SOX5: variants seen among roughly 807,000 people sequenced by gnomAD.
SOX5 encodes the protein transcription factor SOX-5.
In SOX5, 9 loss-of-function variants were observed where a neutral mutation model predicts 92.0. The ratio of observed to expected loss-of-function variants is 0.10; its 90% CI spans 0.06 to 0.17. The LOEUF (loss-of-function observed/expected upper bound fraction) is 0.17. SOX5 is among the 10% of genes least tolerant of loss of function. SOX5 has a pLI of 1.00. For missense variants in SOX5, 642 were observed against 944.5 expected, an observed-to-expected ratio of 0.68 and a Z score of 4.20; for synonymous variants, 344 against 336.3, an observed-to-expected ratio of 1.02 and a Z score of -0.25.
At chr12:23,994,990 A>C (rs965148928) in intron 4 of SOX5, among the ~76,000 whole-genome samples, 1 of 152,216 alleles carries the variant, frequency 6.6e-6, no homozygotes, top group Non-Finnish European at 1.5e-5. Flanking sequence ...GTATGTCCAG[A>C]ATCAATCTGT....
intron 6 of SOX5, among the ~76,000 whole-genome samples, chr12:23,725,560 G>A (rs1017038856): frequency 6.6e-6 from 1 of 152,086 alleles, no homozygotes; most frequent in Admixed American, 6.6e-5. Flanking sequence ...GATTTGGGTG[G>A]GGACACAGAC....
intron 4 of SOX5, among the ~76,000 whole-genome samples, chr12:23,750,352 C>G (rs114107254): frequency 2.0e-5 from 3 of 151,782 alleles, no homozygotes; most frequent in Non-Finnish European, 4.4e-5. Context: ...AAATCATAAT[C>G]GGCAACTTTT....
chr12:24,047,534 T>C (rs1003429204), intron 4 of SOX5, among the ~76,000 whole-genome samples: 8 of 152,226 alleles, frequency 5.3e-5, no homozygotes, highest in Non-Finnish European at 1.0e-4. Context: ...TAATGATATC[T>C]TAAAGACTGT....
chr12:23,674,195 T>G (rs1352474756), intron 6 of SOX5, among the ~76,000 whole-genome samples: 1 of 152,084 alleles, frequency 6.6e-6, no homozygotes, highest in Non-Finnish European at 1.5e-5. Context: ...CATGATCACA[T>G]AGCCACAAAT....
chr12:24,417,193 G>A (rs1965166292), intron 1 of SOX5, among the ~76,000 whole-genome samples: 1 of 152,336 alleles, frequency 6.6e-6, no homozygotes, highest in Middle Eastern at 3.4e-3. Context: ...AGACTGGACA[G>A]AGTGAGAGAC....
intron 4 of SOX5, among the ~76,000 whole-genome samples, chr12:24,165,521 A>C (rs564008632): frequency 1.5e-4 from 23 of 152,280 alleles, no homozygotes; most frequent in African/African-American, 5.1e-4. Flanking sequence ...TTTTTATTCT[A>C]ATGGATCAAA....
intron 1 of SOX5, among the ~76,000 whole-genome samples, chr12:23,898,669 T>C (rs2097201353): frequency 6.6e-6 from 1 of 152,218 alleles, no homozygotes; most frequent in Admixed American, 6.5e-5. Flanking sequence ...GTATTCTCTA[T>C]ATATAGCATT....
At chr12:24,190,561 C>G (rs1281788139) in intron 4 of SOX5, among the ~76,000 whole-genome samples, 1 of 152,162 alleles carries the variant, frequency 6.6e-6, no homozygotes, top group Non-Finnish European at 1.5e-5. Flanking sequence ...TCTATGAAGC[C>G]TCATGACATT....
At chr12:24,020,098 T>G (rs1954109613) in intron 4 of SOX5, among the ~76,000 whole-genome samples, 2 of 152,168 alleles carry the variant, frequency 1.3e-5, no homozygotes, top group South Asian at 4.1e-4. Context: ...ATTTTTAAAC[T>G]GATTTACTCC....
chr12:23,627,265 C>T (rs188726814), intron 8 of SOX5, among the ~76,000 whole-genome samples: 1 of 152,088 alleles, frequency 6.6e-6, no homozygotes, highest in Non-Finnish European at 1.5e-5. Context: ...AGAATTGAAA[C>T]ATACATTTTT....
chr12:24,514,077 T>C (rs574121940), intron 1 of SOX5, among the ~76,000 whole-genome samples: 3 of 152,352 alleles, frequency 2.0e-5, no homozygotes, highest in African/African-American at 7.2e-5. Flanking sequence ...GTGTCCCTCC[T>C]CAGGCCTCTG....
intron 9 of SOX5, among the ~76,000 whole-genome samples, chr12:23,600,598 G>T (rs573344300): frequency 1.6e-5 from 2 of 124,852 alleles, no homozygotes; most frequent in South Asian, 5.0e-4. Context: ...ATTGAGAAAA[G>T]AAAAAGTAAC....
At chr12:23,575,416 G>A (rs1158253264) in intron 10 of SOX5, among the ~76,000 whole-genome samples, 3 of 152,134 alleles carry the variant, frequency 2.0e-5, no homozygotes, top group African/African-American at 7.2e-5. Flanking sequence ...TTTTTATATT[G>A]TATGGACATA....
chr12:24,154,708 C>G (rs1037080337), intron 4 of SOX5, among the ~76,000 whole-genome samples: 22 of 151,852 alleles, frequency 1.4e-4, no homozygotes, highest in African/African-American at 5.3e-4. Flanking sequence ...TATAAAAAAC[C>G]AAATACTTGG....
At chr12:24,226,660 G>T (rs12227979) in intron 3 of SOX5, among the ~76,000 whole-genome samples, 28,717 of 151,810 alleles carry the variant, frequency 0.19, 3,973 homozygotes, top group East Asian at 0.71. Context: ...TAGTAGAGTT[G>T]GGGTTTCATC....
chr12:24,137,709 A>G (rs1361597676), intron 4 of SOX5, among the ~76,000 whole-genome samples: 1 of 152,230 alleles, frequency 6.6e-6, no homozygotes, highest in African/African-American at 2.4e-5. Context: ...GGCCTTTATA[A>G]CATTAGCCTT....
At position 24,373,009 on chromosome 12, in the gene SOX5, T is replaced by C. The variant is rs532097271; in HGVS notation, c.-250-4370A>G. 7.3e-5 allele frequency among the ~76,000 whole-genome samples: 11 copies of C among 149,664 alleles called. No individual in the cohort carries two copies. In the East Asian group the frequency reaches 1.8e-3, roughly 24 times the overall value. On this transcript the variant is annotated intron_variant, in intron 1 of 4. Coordinates refer to the SOX5 transcript ENST00000446891. ...GGCACAGGCCTGTGGTCCCAGCTAC[T>C]TGGGAGGCTAAGGTGGGAGGATGAT... is the stretch of plus-strand genomic sequence containing the variant.
At chr12:24,087,995 A>G (rs1337110976) in intron 4 of SOX5, among the ~76,000 whole-genome samples, 2 of 152,072 alleles carry the variant, frequency 1.3e-5, no homozygotes, top group Non-Finnish European at 2.9e-5. Flanking sequence ...TGAGTTTCTA[A>G]CGATATCTCA....
In SOX5 at chr12:24,393,068, AT is replaced by A. The variant is rs567538891; in HGVS notation, c.-250-24430del. 6.6e-6 allele frequency among the ~76,000 whole-genome samples: 1 copy of A among 152,138 alleles called. No individual in the cohort carries two copies. Among genetic ancestry groups the A allele is most frequent in the East Asian group, 1.9e-4 (1 of 5,196 alleles). ...ATCTTGAGTGTGTGGGGGCATAAGT[AT>A]TTTTTTCTTTTCTATCTCAACCACC... On this transcript the variant is annotated intron_variant, in intron 1 of 4. Coordinates refer to the SOX5 transcript ENST00000446891. This position sits in a 1 kb window ranked among gnomAD's most constrained non-coding sequence, Gnocchi z 5.0.
Sources: allele counts gnomAD v4.1 joint callset (sites outside exome capture counted in the v4.1 genomes callset), GRCh38; gene constraint gnomAD v4.1.1; non-coding constraint Gnocchi (gnomAD v3.1); transcripts MANE v1.5; gene names NCBI Gene and HGNC (gene_info 2026-07-23, HGNC 2026-07-21).